TCF7L1: variants seen among roughly 807,000 people sequenced by gnomAD.
TCF7L1 encodes the protein transcription factor 7 like 1.
TCF7L1 carries 18 observed loss-of-function variants against 63.7 expected under a neutral mutation model. That is an observed-to-expected ratio of 0.28 (90% confidence interval 0.20 to 0.42). The LOEUF (loss-of-function observed/expected upper bound fraction) is 0.42, where lower values mean the gene tolerates loss of function less well. Ranked by LOEUF, TCF7L1 falls within the 10% of genes least tolerant of loss-of-function variation. TCF7L1 has a pLI of 1.00. For missense variants in TCF7L1, 654 were observed against 779.3 expected, an observed-to-expected ratio of 0.84 and a Z score of 1.91; for synonymous variants, 355 against 340.9, an observed-to-expected ratio of 1.04 and a Z score of -0.46.
chr2:85,150,298 A>G (rs1677978603), intron 3 of TCF7L1, among the ~76,000 whole-genome samples: 1 of 149,062 alleles, frequency 6.7e-6, no homozygotes, highest in Non-Finnish European at 1.5e-5. Flanking sequence ...CAGTGAAGCG[A>G]TCTCAGCTCA....
At chr2:85,149,863 G>A (rs1677967422) in intron 3 of TCF7L1, among the ~76,000 whole-genome samples, 2 of 152,134 alleles carry the variant, frequency 1.3e-5, no homozygotes, top group African/African-American at 4.8e-5. Context: ...GTAAGTTGCA[G>A]GCGTAATGTC....
At chr2:85,283,653 C>A in intron 4 of TCF7L1, 75 bp downstream of exon 4, 1 of 1,493,148 alleles carries the variant, frequency 6.7e-7, no homozygotes, top group South Asian at 1.1e-5. Flanking sequence ...CTTCTGCCAT[C>A]ACGCTGAAGC....
Position 85,292,630 on chromosome 2 carries a change from G to A in TCF7L1, c.525+9052G>A, listed in dbSNP as rs762315434. Among the ~76,000 whole-genome samples the A allele has an allele frequency of 1.1e-4, 17 of 152,126 alleles. 1 individual carries two copies. The highest frequency in any genetic ancestry group is 2.5e-4 in the Non-Finnish European group (17 of 68,024). On this transcript the variant is annotated intron_variant, in intron 4 of 11. Transcript: ENST00000282111. ...CTTGCTCTGTCACCCAGGCTGGAGT[G>A]CAGTGGCACAATCTTGGCTCACTTC... is the stretch of plus-strand genomic sequence containing the variant.
At position 85,175,557 on chromosome 2, in the gene TCF7L1, A is replaced by G. The variant is rs1678661546; in HGVS notation, c.441+41107A>G. 5.3e-5 allele frequency among the ~76,000 whole-genome samples: 8 copies of G among 152,306 alleles called. No individual in the cohort carries two copies. The South Asian group carries it at 1.5e-3, about 28-fold the overall frequency. On this transcript the variant is annotated intron_variant, in intron 3 of 11. Coordinates refer to ENST00000282111, the MANE Select transcript of TCF7L1 (RefSeq NM_031283.3). ...GCAACTTGAGATAAGCAAATCGACA[A>G]CAATGAGGTACACCCTGTTCTTTGT...
At position 85,133,661 on chromosome 2, in the gene TCF7L1, G is replaced by A; in HGVS notation, c.-24G>A. 1 of 922,806 alleles carries A rather than the reference G, an allele frequency of 1.1e-6. No individual in the cohort carries two copies. The highest frequency in any genetic ancestry group is 1.3e-6 in the Non-Finnish European group (1 of 774,978). 57.2% of individuals were successfully genotyped at this position (922,806 alleles called of 1,614,324 possible). A position where few individuals can be genotyped will look rare whatever the true frequency, so the allele number is the denominator to read the frequency against. On this transcript the variant is annotated 5_prime_UTR_variant, in exon 1 of 12. Transcript: ENST00000282111. This position sits in a 1 kb window ranked among gnomAD's most constrained non-coding sequence, Gnocchi z 4.4. The stretch of plus-strand genomic sequence containing the variant: ...CGGGCGGCTAGGGGCTCCGAGAGCG[G>A]CGGCCCCGGCCCGCGGCCCCACCAT...
intron 3 of TCF7L1, among the ~76,000 whole-genome samples, chr2:85,278,290 A>G (rs998209232): frequency 3.3e-5 from 5 of 152,226 alleles, no homozygotes; most frequent in African/African-American, 1.2e-4. Flanking sequence ...ATTGAGAAAG[A>G]GAGGAGCAGA....
chr2:85,220,505 A>G (rs191096554), intron 3 of TCF7L1, among the ~76,000 whole-genome samples: 1 of 152,088 alleles, frequency 6.6e-6, no homozygotes, highest in Non-Finnish European at 1.5e-5. Context: ...AGCTTGGACT[A>G]CAGGCACGCG....
chr2:85,189,769 C>T (rs1481206615), intron 3 of TCF7L1, among the ~76,000 whole-genome samples: 2 of 152,206 alleles, frequency 1.3e-5, no homozygotes, highest in African/African-American at 4.8e-5. Flanking sequence ...GGCATTCATG[C>T]GCCTCCGAGA....
At chr2:85,271,575 A>C (rs770730107) in intron 3 of TCF7L1, among the ~76,000 whole-genome samples, 1 of 152,204 alleles carries the variant, frequency 6.6e-6, no homozygotes, top group Admixed American at 6.5e-5. Context: ...TCCTCTATGA[A>C]GTTTTCAGTT....
intron 3 of TCF7L1, among the ~76,000 whole-genome samples, chr2:85,222,342 A>G (rs909915331): frequency 6.8e-6 from 1 of 146,666 alleles, no homozygotes; most frequent in African/African-American, 2.5e-5. Context: ...CTCCATCTCA[A>G]AAAAAAAAAC....
chr2:85,295,626 C>T (rs760437404), intron 4 of TCF7L1, among the ~76,000 whole-genome samples: 2 of 152,120 alleles, frequency 1.3e-5, no homozygotes, highest in Non-Finnish European at 2.9e-5. Flanking sequence ...CTCTCTCTCT[C>T]TCTGTTTTTT....
intron 10 of TCF7L1, among the ~76,000 whole-genome samples, 160 bp from the exon 11 acceptor site, chr2:85,307,482 C>T (rs963891510): frequency 5.3e-5 from 8 of 152,154 alleles, no homozygotes; most frequent in South Asian, 4.1e-4. Flanking sequence ...TGCCTCCTCA[C>T]GGGCTCCCAC....
intron 3 of TCF7L1, among the ~76,000 whole-genome samples, chr2:85,196,037 A>G (rs1679147184): frequency 6.6e-6 from 1 of 152,152 alleles, no homozygotes; most frequent in Non-Finnish European, 1.5e-5. Flanking sequence ...GCAGCAGCCC[A>G]GTCTGCACCC....
intron 3 of TCF7L1, among the ~76,000 whole-genome samples, chr2:85,147,352 C>G (rs889805684): frequency 2.0e-5 from 3 of 152,092 alleles, no homozygotes; most frequent in Non-Finnish European, 4.4e-5. Flanking sequence ...TCCATACAAC[C>G]CGAACTAGGG....
chr2:85,183,528 G>A (rs1395480038), intron 3 of TCF7L1, among the ~76,000 whole-genome samples: 1 of 152,144 alleles, frequency 6.6e-6, no homozygotes, highest in Non-Finnish European at 1.5e-5. Flanking sequence ...GTCTCTCAGA[G>A]CCCATAACCC....
intron 3 of TCF7L1, among the ~76,000 whole-genome samples, chr2:85,239,264 G>A (rs1390447474): frequency 1.3e-5 from 2 of 152,012 alleles, no homozygotes; most frequent in African/African-American, 4.8e-5. Flanking sequence ...CTATGCAGTC[G>A]GAGGCCTTCC....
chr2:85,157,600 T>G (rs1482524178), intron 3 of TCF7L1, among the ~76,000 whole-genome samples: 2 of 152,238 alleles, frequency 1.3e-5, no homozygotes, highest in African/African-American at 2.4e-5. Flanking sequence ...GTGAAGATGC[T>G]GAACTGGGGA....
chr2:85,283,633 A>C, intron 4 of TCF7L1, 55 bp downstream of exon 4: 5 of 1,568,914 alleles, frequency 3.2e-6, no homozygotes, highest in South Asian at 2.2e-5. Flanking sequence ...GCCTCATCCC[A>C]TGCCACTGCC....
At chr2:85,141,607 G>A (rs1677740931) in intron 3 of TCF7L1, among the ~76,000 whole-genome samples, 1 of 152,224 alleles carries the variant, frequency 6.6e-6, no homozygotes, top group African/African-American at 2.4e-5. Context: ...CGCAAGTTTG[G>A]GAGAAAGTGT....
Sources: allele counts gnomAD v4.1 joint callset (sites outside exome capture counted in the v4.1 genomes callset), GRCh38; gene constraint gnomAD v4.1.1; non-coding constraint Gnocchi (gnomAD v3.1); transcripts MANE v1.5; gene names NCBI Gene and HGNC (gene_info 2026-07-23, HGNC 2026-07-21).